The following TOX variants were observed in gnomAD, a reference collection of about 807,000 sequenced individuals.
The protein encoded by TOX is thymocyte selection-associated high mobility group box protein TOX.
A neutral mutation model predicts 53.7 loss-of-function variants in TOX; 11 were observed. That is an observed-to-expected ratio of 0.20 (90% CI 0.13 to 0.34). The LOEUF is 0.34. Ranked by LOEUF, TOX falls within the 10% of genes least tolerant of loss-of-function variation. The pLI, the probability that TOX is intolerant of heterozygous loss-of-function variation, is 1.00. For missense variants in TOX, 570 were observed against 664.6 expected, an observed-to-expected ratio of 0.86 and a Z score of 1.56; for synonymous variants, 225 against 245.3, an observed-to-expected ratio of 0.92 and a Z score of 0.77.
At chr8:58,872,001 G>A (rs1040884147) in intron 3 of TOX, among the ~76,000 whole-genome samples, 8 of 151,934 alleles carry the variant, frequency 5.3e-5, no homozygotes, top group African/African-American at 1.5e-4. Flanking sequence ...AAGAAATAAG[G>A]CTCCTTAGAA....
chr8:58,885,096 G>A (rs1448356878), intron 3 of TOX, among the ~76,000 whole-genome samples: 1 of 152,104 alleles, frequency 6.6e-6, no homozygotes, highest in East Asian at 1.9e-4. Flanking sequence ...ACCTTTTACA[G>A]AAGATAGCAC....
chr8:58,839,184 C>T (rs1166399789), intron 4 of TOX, among the ~76,000 whole-genome samples: 1 of 152,116 alleles, frequency 6.6e-6, no homozygotes, highest in Non-Finnish European at 1.5e-5. Context: ...GAACTTTCTC[C>T]AATGATGGAA....
At chr8:58,923,077 T>A (rs1812098582) in intron 3 of TOX, among the ~76,000 whole-genome samples, 1 of 151,546 alleles carries the variant, frequency 6.6e-6, no homozygotes, top group African/African-American at 2.4e-5. Context: ...CTGAATATCA[T>A]ATGAAGAAAC....
At chr8:58,835,554 T>A (rs147780201) in intron 5 of TOX, among the ~76,000 whole-genome samples, 1 of 152,332 alleles carries the variant, frequency 6.6e-6, no homozygotes, top group East Asian at 1.9e-4. Flanking sequence ...CTTAGTGTTA[T>A]AGAATTAGCG....
intron 3 of TOX, among the ~76,000 whole-genome samples, chr8:58,891,146 C>T (rs1011551260): frequency 2.6e-5 from 4 of 151,930 alleles, no homozygotes; most frequent in African/African-American, 7.3e-5. Context: ...GGAGCAAATA[C>T]GTGAGACACT....
In TOX at chr8:59,017,640, A is replaced by G. The variant is rs182635207; in HGVS notation, c.103-57632T>C. 3.8e-3 allele frequency among the ~76,000 whole-genome samples: 584 copies of G among 152,350 alleles called. 3 individuals carry two copies. Among genetic ancestry groups the G allele is most frequent in the Non-Finnish European group, 6.4e-3 (435 of 68,028 alleles). On this transcript the variant is annotated intron_variant, in intron 1 of 8. Transcript: ENST00000361421. ...AACTTAAGTAAAAGGAATAAACAAG[A>G]ACAATTACGTTGAATATGTGATAGA...
intron 3 of TOX, among the ~76,000 whole-genome samples, chr8:58,860,408 G>C (rs1810990325): frequency 6.6e-6 from 1 of 152,134 alleles, no homozygotes; most frequent in South Asian, 2.1e-4. Context: ...AAATATTTTA[G>C]GACAGTGAGA....
chr8:59,086,105 C>A (rs1804504693), intron 1 of TOX, among the ~76,000 whole-genome samples: 1 of 151,420 alleles, frequency 6.6e-6, no homozygotes, highest in African/African-American at 2.4e-5. Context: ...CCTGCCTCAG[C>A]CTCCCAAGTA....
At chr8:58,834,487 A>G (rs1173325236) in intron 5 of TOX, among the ~76,000 whole-genome samples, 3 of 152,218 alleles carry the variant, frequency 2.0e-5, no homozygotes, top group Non-Finnish European at 4.4e-5. Flanking sequence ...ATGAGAACAA[A>G]ACACAATTAA....
intron 1 of TOX, among the ~76,000 whole-genome samples, chr8:59,052,160 G>T (rs1334176806): frequency 2.0e-5 from 3 of 152,100 alleles, no homozygotes; most frequent in Non-Finnish European, 2.9e-5. Flanking sequence ...CAGAAACAAG[G>T]ATGCTATATT....
In TOX at chr8:58,807,665, G is replaced by T; in HGVS notation, c.*82C>A. On this transcript the variant is annotated 3_prime_UTR_variant, in exon 9 of 9. Coordinates refer to ENST00000361421, the MANE Select transcript of TOX (RefSeq NM_014729.3). ...AACTTGTATTTTCTAATAAAATGGA[G>T]AACTGCCTTGACTGTACAAAGCAAT... The T allele has an allele frequency of 6.6e-7, 1 of 1,523,562 alleles. No homozygotes were observed. Among genetic ancestry groups the T allele is most frequent in the Non-Finnish European group, 9.1e-7 (1 of 1,103,026 alleles). 94.4% of individuals were successfully genotyped at this position (1,523,562 alleles called of 1,614,324 possible).
intron 1 of TOX, among the ~76,000 whole-genome samples, chr8:59,031,798 T>C (rs1814361825): frequency 1.3e-5 from 2 of 152,112 alleles, no homozygotes; most frequent in Non-Finnish European, 2.9e-5. Flanking sequence ...GTTTGGCCTA[T>C]GTGAAGGACA....
intron 5 of TOX, among the ~76,000 whole-genome samples, chr8:58,828,653 T>C (rs538848267): frequency 1.3e-5 from 2 of 152,240 alleles, no homozygotes; most frequent in African/African-American, 4.8e-5. Context: ...AACAGTGTGA[T>C]CTGTGTATAT....
At chr8:59,058,009 A>C (rs547841730) in intron 1 of TOX, among the ~76,000 whole-genome samples, 2 of 152,326 alleles carry the variant, frequency 1.3e-5, no homozygotes, top group South Asian at 4.1e-4. Context: ...CTCTAGACGG[A>C]AAAAATAATA....
chr8:58,892,658 T>C (rs1212580987), intron 3 of TOX, among the ~76,000 whole-genome samples: 1 of 152,278 alleles, frequency 6.6e-6, no homozygotes, highest in East Asian at 1.9e-4. Context: ...CCGGGTAAAG[T>C]TGAGTCACAT....
intron 1 of TOX, among the ~76,000 whole-genome samples, chr8:58,972,419 T>C (rs16924346): frequency 0.036 from 5,531 of 152,266 alleles, 307 homozygotes; most frequent in African/African-American, 0.12. Flanking sequence ...ATTACTTTCA[T>C]TAAAATTGCT....
chr8:58,818,508 CA>C (rs761830910), intron 6 of TOX, among the ~76,000 whole-genome samples: 8 of 152,126 alleles, frequency 5.3e-5, no homozygotes, highest in Non-Finnish European at 8.8e-5. Flanking sequence ...CTGATTCCTC[CA>C]AAAGGGCATC....
chr8:59,017,844 A>G (rs1485376166), intron 1 of TOX, among the ~76,000 whole-genome samples: 1 of 152,158 alleles, frequency 6.6e-6, no homozygotes, highest in Non-Finnish European at 1.5e-5. Context: ...TTGATAACAA[A>G]AAAGGAAGTT....
At chr8:58,873,551 C>A (rs1416609551) in intron 3 of TOX, among the ~76,000 whole-genome samples, 3 of 152,122 alleles carry the variant, frequency 2.0e-5, no homozygotes, top group Non-Finnish European at 2.9e-5. Flanking sequence ...AACCAAGGAA[C>A]TACTGCATCC....
Sources: gnomAD v4.1 joint callset for allele counts (sites outside exome capture counted in the v4.1 genomes callset) on GRCh38, gnomAD v4.1.1 for gene constraint, MANE v1.5 for transcripts, NCBI Gene and HGNC (gene_info 2026-07-23, HGNC 2026-07-21) for gene names.